Variants in PALM2AKAP2 observed in about 807,000 individuals in gnomAD.
The protein encoded by PALM2AKAP2 is PALM2-AKAP2 fusion protein.
In PALM2AKAP2, 37 loss-of-function variants were observed where a neutral mutation model predicts 71.5. That is an observed-to-expected ratio of 0.52 (90% CI 0.40 to 0.68). The LOEUF (loss-of-function observed/expected upper bound fraction) is 0.68. PALM2AKAP2 is among the 30% of genes least tolerant of loss of function. The probability of loss-of-function intolerance (pLI) is 0.00; values close to 1 mark genes in which losing one functional copy is unlikely to be tolerated. For missense variants in PALM2AKAP2, 1,224 were observed against 1,191.8 expected (o/e 1.03, Z -0.40); for synonymous variants, 468 against 478.8 (o/e 0.98, Z 0.29).
At chr9:109,648,731 C>A (rs1317033107) in intron 1 of PALM2AKAP2, among the ~76,000 whole-genome samples, 1 of 152,150 alleles carries the variant, frequency 6.6e-6, no homozygotes, top group Non-Finnish European at 1.5e-5. Flanking sequence ...AGTCTTGGAT[C>A]TAAATGCAGT....
intron 1 of PALM2AKAP2, among the ~76,000 whole-genome samples, chr9:109,806,847 T>C (rs1827588818): frequency 6.6e-6 from 1 of 152,182 alleles, no homozygotes. Context: ...GTGGTAAGGA[T>C]GTTGGCCTTT....
intron 1 of PALM2AKAP2, among the ~76,000 whole-genome samples, chr9:109,730,853 C>G (rs925981491): frequency 2.0e-5 from 3 of 151,994 alleles, no homozygotes; most frequent in African/African-American, 7.2e-5. Context: ...GTGGAGATGT[C>G]TGCAATCTTT....
chr9:110,009,156 C>G (rs1832833934), intron 6 of PALM2AKAP2, among the ~76,000 whole-genome samples: 2 of 152,186 alleles, frequency 1.3e-5, no homozygotes, highest in Admixed American at 1.3e-4. Flanking sequence ...TTCTCTCTTA[C>G]TCTGTTTTCA....
At chr9:109,645,748 C>T (rs1827142208) in intron 1 of PALM2AKAP2, among the ~76,000 whole-genome samples, 1 of 149,540 alleles carries the variant, frequency 6.7e-6, no homozygotes. Flanking sequence ...CTGGGAACCT[C>T]AAAACAGGGA....
intron 6 of PALM2AKAP2, among the ~76,000 whole-genome samples, chr9:110,008,851 G>A (rs974035808): frequency 6.6e-6 from 1 of 151,890 alleles, no homozygotes. Context: ...ATGGGTGTGG[G>A]CAGCAGAGAC....
At chr9:109,658,693 G>A (rs1396031093) in intron 1 of PALM2AKAP2, among the ~76,000 whole-genome samples, 2 of 152,144 alleles carry the variant, frequency 1.3e-5, no homozygotes, top group Non-Finnish European at 2.9e-5. Context: ...ATCTTACATG[G>A]CAGCAAGCAA....
chr9:109,774,210 G>A (rs1223653500), intron 1 of PALM2AKAP2, among the ~76,000 whole-genome samples: 1 of 152,212 alleles, frequency 6.6e-6, no homozygotes, highest in Admixed American at 6.5e-5. Flanking sequence ...AGGTAAACCA[G>A]ACTGGCCCCT....
At chr9:109,664,042 T>C (rs1416731090) in intron 1 of PALM2AKAP2, among the ~76,000 whole-genome samples, 1 of 152,236 alleles carries the variant, frequency 6.6e-6, no homozygotes, top group African/African-American at 2.4e-5. Context: ...ATTTGCTTGG[T>C]AGATCTTCCT....
At chr9:109,809,219 G>A (rs1587926787) in intron 1 of PALM2AKAP2, among the ~76,000 whole-genome samples, 1 of 152,174 alleles carries the variant, frequency 6.6e-6, no homozygotes, top group East Asian at 1.9e-4. Flanking sequence ...CTTTCATCGT[G>A]CAACTAGAAA....
At chr9:110,097,318 A>G (rs1834872179) in intron 1 of PALM2AKAP2, among the ~76,000 whole-genome samples, 1 of 148,416 alleles carries the variant, frequency 6.7e-6, no homozygotes, top group Non-Finnish European at 1.5e-5. Context: ...TTTTCTTAGT[A>G]CAGAACAAAA....
chr9:109,681,820 C>G (rs992054509), intron 1 of PALM2AKAP2, among the ~76,000 whole-genome samples: 2 of 152,122 alleles, frequency 1.3e-5, no homozygotes, highest in African/African-American at 4.8e-5. Context: ...TTTGTAGGAG[C>G]CTCTGAGAAG....
At chr9:110,117,110 GTT>G (rs1351336333) in intron 1 of PALM2AKAP2, among the ~76,000 whole-genome samples, 1 of 151,912 alleles carries the variant, frequency 6.6e-6, no homozygotes, top group Admixed American at 6.6e-5. Flanking sequence ...TTTTTGTTTT[GTT>G]TTTGTTTCTT....
At chr9:109,727,839 G>A (rs889207657) in intron 1 of PALM2AKAP2, among the ~76,000 whole-genome samples, 1 of 152,102 alleles carries the variant, frequency 6.6e-6, no homozygotes, top group Non-Finnish European at 1.5e-5. Flanking sequence ...TCCTTGCTAC[G>A]GGAACACAGT....
At chr9:110,006,324 C>CTCTCTCTT (rs1554736919) in intron 6 of PALM2AKAP2, among the ~76,000 whole-genome samples, 5 of 102,214 alleles carry the variant, frequency 4.9e-5, no homozygotes, top group Admixed American at 1.2e-4. Flanking sequence ...TTCCTTCCTT[C>CTCTCTCTT]TCTTTCTTTC....
chr9:109,649,915 G>A (rs1489067903), intron 1 of PALM2AKAP2, among the ~76,000 whole-genome samples: 2 of 152,218 alleles, frequency 1.3e-5, no homozygotes, highest in Non-Finnish European at 2.9e-5. Flanking sequence ...TGTGAGTTGC[G>A]GGAGGGTAGA....
At chr9:109,975,659 A>G (rs1197711959) in intron 6 of PALM2AKAP2, among the ~76,000 whole-genome samples, 1 of 152,340 alleles carries the variant, frequency 6.6e-6, no homozygotes, top group African/African-American at 2.4e-5. Flanking sequence ...TTGAGTGTCG[A>G]CTTGCTTTAA....
At chr9:109,673,650 T>C (rs1409294968) in intron 1 of PALM2AKAP2, among the ~76,000 whole-genome samples, 1 of 152,144 alleles carries the variant, frequency 6.6e-6, no homozygotes, top group African/African-American at 2.4e-5. Context: ...CTGAGTATTT[T>C]TGTTAATTTT....
chr9:110,097,026 A>G (rs2118839288), intron 1 of PALM2AKAP2, among the ~76,000 whole-genome samples: 1 of 148,632 alleles, frequency 6.7e-6, no homozygotes, highest in South Asian at 2.2e-4. Flanking sequence ...GTCACAGGAC[A>G]ATAGTGGAGG....
chr9:110,090,308 A>C (rs1192244278), intron 1 of PALM2AKAP2: 1 of 455,912 alleles, frequency 2.2e-6, no homozygotes, highest in Non-Finnish European at 4.4e-6. Flanking sequence ...CCTACTGAAG[A>C]AAGGGAAACT....
Sources: gnomAD v4.1 joint callset for allele counts (sites outside exome capture counted in the v4.1 genomes callset) on GRCh38, gnomAD v4.1.1 for gene constraint, MANE v1.5 for transcripts, NCBI Gene and HGNC (gene_info 2026-07-23, HGNC 2026-07-21) for gene names.